The following ASGR2 variants were observed in gnomAD, a reference collection of about 807,000 sequenced individuals.
The protein encoded by ASGR2 is C-type lectin domain family 4 member H2.
ASGR2 carries 34 observed loss-of-function variants against 32.3 expected under a neutral mutation model. That is an observed-to-expected ratio of 1.05 (90% confidence interval 0.80 to 1.40). ASGR2 has a LOEUF of 1.40. ASGR2 is among the 40% of genes most tolerant of loss of function. The probability of loss-of-function intolerance (pLI) is 0.00; values close to 1 mark genes in which losing one functional copy is unlikely to be tolerated. For missense variants in ASGR2, 385 were observed against 386.4 expected (o/e 1.00, Z 0.03); for synonymous variants, 143 against 150.0 (o/e 0.95, Z 0.34).
chr17:7,102,056 A>G (rs756101400), intron 8 of ASGR2, 34 bp downstream of exon 8: 2 of 1,590,888 alleles, frequency 1.3e-6, no homozygotes, highest in South Asian at 1.1e-5. Flanking sequence ...CCCCAGAGAA[A>G]TCTAACAAGG....
In ASGR2 at chr17:7,108,462, C is replaced by T. The variant is rs760764986; in HGVS notation, c.337G>A (p.Gly113Arg). 38 of 1,597,844 alleles carry T rather than the reference C, an allele frequency of 2.4e-5. No individual in the cohort carries two copies. Among genetic ancestry groups the T allele is most frequent in the Non-Finnish European group, 2.8e-5 (33 of 1,172,128 alleles). Residue 113 changes from glycine (G) to arginine (R), a missense_variant and splice_region_variant, in exon 4 of 9, where the codon GGA (glycine) becomes AGA (arginine). Transcript: ENST00000691900. This position sits in a 1 kb window ranked among gnomAD's most constrained non-coding sequence, Gnocchi z 4.9. ...LTEVQAISTHGGSVGDKITSL... is the reference protein window; with the variant it reads ...LTEVQAISTHRGSVGDKITSL... ...AGAACCCAGCCGTCCAGCCCCTCAC[C>T]GTGGGTGCTGATTGCCTGGACCTCC... is the stretch of plus-strand genomic sequence containing the variant.
chr17:7,114,866 G>A (rs1244638606), upstream of ASGR2: 1 of 986,388 alleles, frequency 1.0e-6, no homozygotes, highest in Admixed American at 6.1e-5. This position sits in a 1 kb window ranked among gnomAD's most constrained non-coding sequence, Gnocchi z 4.5. Context: ...GTGGGGTGGG[G>A]GCAGGGGACG....
At chr17:7,103,343 G>C (rs1913127681) in intron 7 of ASGR2, among the ~76,000 whole-genome samples, 1 of 152,232 alleles carries the variant, frequency 6.6e-6, no homozygotes, top group South Asian at 2.1e-4. Flanking sequence ...AGAGGCAGGT[G>C]AGGCTGCTCC....
Position 7,101,529 on chromosome 17 carries a change from G to C in ASGR2, c.*46C>G, listed in dbSNP as rs755400773. 8 of 1,591,584 alleles carry C rather than the reference G, an allele frequency of 5.0e-6. No individual in the cohort carries two copies. The Admixed American group carries it at 1.2e-4, about 24-fold the overall frequency. On this transcript the variant is annotated 3_prime_UTR_variant, in exon 9 of 9. Transcript: ENST00000691900. ...CTCAAAATCCTCAACAGAGAAGCCA[G>C]AGCTGGGCAGGTGTGGGGTATGGGT...
intron 2 of ASGR2, among the ~76,000 whole-genome samples, chr17:7,110,916 C>A (rs314237): frequency 0.67 from 101,489 of 152,024 alleles, 34,730 homozygotes; most frequent in South Asian, 0.81. Context: ...AGGTTACAGG[C>A]CAGGAAAGGG....
At chr17:7,104,599 C>T (rs1268384650) in intron 7 of ASGR2, among the ~76,000 whole-genome samples, 2 of 152,084 alleles carry the variant, frequency 1.3e-5, no homozygotes, top group Middle Eastern at 3.4e-3. Context: ...TGCAATGAGT[C>T]GAGATCGTGT....
intron 7 of ASGR2, among the ~76,000 whole-genome samples, chr17:7,104,056 T>TAA (rs148712787): frequency 6.4e-4 from 93 of 145,000 alleles, no homozygotes; most frequent in African/African-American, 2.2e-3. Context: ...AGCTACATAC[T>TAA]AAAAAAAAAA....
chr17:7,104,263 G>A (rs143410944), intron 7 of ASGR2, among the ~76,000 whole-genome samples: 17,103 of 148,958 alleles, frequency 0.11, 1,230 homozygotes, highest in African/African-American at 0.21. Context: ...CAGGAGAATC[G>A]CTTGAACCTG....
chr17:7,111,099 C>G (rs900543244), intron 2 of ASGR2, among the ~76,000 whole-genome samples: 13 of 152,202 alleles, frequency 8.5e-5, no homozygotes, highest in African/African-American at 2.7e-4. Context: ...CAGCACCCAA[C>G]AAGGTGAAAT....
intron 2 of ASGR2, among the ~76,000 whole-genome samples, chr17:7,111,877 C>A (rs1424736578): frequency 6.9e-6 from 1 of 145,534 alleles, no homozygotes; most frequent in African/African-American, 2.5e-5. Flanking sequence ...ACCGTCTCTA[C>A]AAAAAAAAAT....
intron 7 of ASGR2, among the ~76,000 whole-genome samples, chr17:7,106,078 C>T (rs943697425): frequency 2.6e-5 from 4 of 152,188 alleles, no homozygotes; most frequent in African/African-American, 7.2e-5. Context: ...TGAGCCACTG[C>T]ACCCGGCCTA....
intron 2 of ASGR2, among the ~76,000 whole-genome samples, chr17:7,112,296 A>C (rs1016930236): frequency 3.9e-5 from 6 of 151,954 alleles, no homozygotes; most frequent in African/African-American, 1.4e-4. Context: ...CCCGGTGAGC[A>C]GCTGATCAGT....
chr17:7,108,859 G>C lies in ASGR2; in HGVS notation c.154C>G (p.Arg52Gly). Residue 52 changes from arginine to glycine, a missense_variant, in exon 3 of 9, where the codon CGT (arginine) becomes GGT (glycine). Physicochemically the swap from Arg to Gly is moderately radical, Grantham distance 125. Transcript: ENST00000691900. The surrounding 1 kb of genome is among the most constrained non-coding windows in gnomAD (Gnocchi z 4.9). ...CTGAAGCAGACCATGGAGCAGAGAC[G>C]CTGTGCCAGGGGCTGGGCAGGAGGT... Reference protein sequence around the residue: ...GPPPAQPLAQRLCSMVCFSLL... With the variant: ...GPPPAQPLAQGLCSMVCFSLL... 1.9e-6 allele frequency: 3 copies of C among 1,603,402 alleles called. No individual in the cohort carries two copies. The highest frequency in any genetic ancestry group is 2.6e-6 in the Non-Finnish European group (3 of 1,175,376).
Position 7,101,414 on chromosome 17 carries a change from A to G in ASGR2, c.*161T>C, listed in dbSNP as rs1912785663. On this transcript the variant is annotated 3_prime_UTR_variant, in exon 9 of 9. Transcript: ENST00000691900. The stretch of plus-strand genomic sequence containing the variant: ...GAATTACAGAAGGAGGTGGGATCTC[A>G]GTCCTCCAGGGTCAGGGACTCTTAA... 1.2e-6 allele frequency: 1 copy of G among 829,456 alleles called. No homozygotes were observed. Among genetic ancestry groups the G allele is most frequent in the South Asian group, 2.2e-5 (1 of 44,604 alleles). 51.4% of individuals were successfully genotyped at this position (829,456 alleles called of 1,614,324 possible).
At chr17:7,112,632 G>C (rs1036551156) in intron 2 of ASGR2, among the ~76,000 whole-genome samples, 1 of 152,110 alleles carries the variant, frequency 6.6e-6, no homozygotes, top group Non-Finnish European at 1.5e-5. Context: ...CCGCCTGGTG[G>C]GAAGTCCAGC....
chr17:7,102,306 C>A, intron 7 of ASGR2, 110 bp from the exon 8 acceptor site: 2 of 867,114 alleles, frequency 2.3e-6, no homozygotes, highest in Non-Finnish European at 3.8e-6. Context: ...GATCTGCCCT[C>A]AGGCTGAAGC....
At position 7,108,381 on chromosome 17, in the gene ASGR2, C is replaced by T; in HGVS notation, c.337+81G>A. The T allele has an allele frequency of 8.4e-6, 12 of 1,434,054 alleles. No homozygotes were observed. The highest frequency in any genetic ancestry group is 1.1e-5 in the Non-Finnish European group (12 of 1,056,456). The allele number at this position is 1,434,054 out of a possible 1,614,324, so 88.8% of individuals were successfully genotyped here. A position where few individuals can be genotyped will look rare whatever the true frequency, so the allele number is the denominator to read the frequency against. On this transcript the variant is annotated intron_variant, in intron 4 of 8. Coordinates refer to ENST00000691900, the MANE Select transcript of ASGR2 (RefSeq NM_001201352.2). This position sits in a 1 kb window ranked among gnomAD's most constrained non-coding sequence, Gnocchi z 4.9. ...CCCAGCCTGCACCCCCACGGCACCCCACACAGCCCTGTTGCAGACTCGGCA... is the reference window on the plus strand; with the variant it reads ...CCCAGCCTGCACCCCCACGGCACCCTACACAGCCCTGTTGCAGACTCGGCA...
Position 7,101,647 on chromosome 17 carries a change from G to A in ASGR2, c.849C>T (p.Asn283=), listed in dbSNP as rs35314842. The change falls in exon 9 of 9, where the codon AAC becomes AAT. Residue 283 remains asparagine, a synonymous_variant. Transcript: ENST00000691900. ...CVEVQPDGRW[N]DDFCLQVYRW... The stretch of plus-strand genomic sequence containing the variant: ...GGTACACCTGCAGGCAGAAGTCATC[G>A]TTCCAGCGGCCATCCGGCTGGACTT... 2,386 of 1,614,200 alleles carry A rather than the reference G, an allele frequency of 1.5e-3. 28 individuals are homozygous for A. In the African/African-American group the frequency reaches 0.028, roughly 19 times the overall value.
Position 7,107,973 on chromosome 17 carries a change from G to C in ASGR2, c.338-66C>G. 6.4e-7 allele frequency: 1 copy of C among 1,573,594 alleles called. No individual in the cohort carries two copies. Among genetic ancestry groups the C allele is most frequent in the Non-Finnish European group, 8.7e-7 (1 of 1,153,578 alleles). ...TCCGTCCTCATGCTGCTGGGGGACC[G>C]GGGGCCAGCGCCTCGTCCTGGGCGA... On this transcript the variant is annotated intron_variant, in intron 4 of 8. Transcript: ENST00000691900. This position sits in a 1 kb window ranked among gnomAD's most constrained non-coding sequence, Gnocchi z 5.0.
Sources: gnomAD v4.1 joint callset for allele counts (sites outside exome capture counted in the v4.1 genomes callset) on GRCh38, gnomAD v4.1.1 for gene constraint, Gnocchi (gnomAD v3.1) non-coding constraint, MANE v1.5 for transcripts, NCBI Gene and HGNC (gene_info 2026-07-23, HGNC 2026-07-21) for gene names.